The following GSK3B variants were observed in gnomAD, a reference collection of about 807,000 sequenced individuals.
GSK3B encodes glycogen synthase kinase-3 beta.
Under a neutral mutation model 56.4 loss-of-function variants are expected in GSK3B, and 15 were observed. The ratio of observed to expected loss-of-function variants is 0.27; its 90% CI spans 0.18 to 0.41. GSK3B has a LOEUF of 0.41. Ranked by LOEUF, GSK3B falls within the 10% of genes least tolerant of loss-of-function variation. GSK3B has a pLI of 1.00. For missense variants in GSK3B, 300 were observed against 513.4 expected (o/e 0.58, Z 4.02); for synonymous variants, 181 against 188.9 (o/e 0.96, Z 0.34).
chr3:119,995,128 C>G (rs924874206), intron 2 of GSK3B, among the ~76,000 whole-genome samples: 11 of 150,412 alleles, frequency 7.3e-5, no homozygotes, highest in Non-Finnish European at 1.5e-4. Context: ...GAGTTTGAGA[C>G]CAGCCTGGGC....
chr3:119,977,067 T>C (rs945190408), intron 2 of GSK3B, among the ~76,000 whole-genome samples: 8 of 152,116 alleles, frequency 5.3e-5, no homozygotes, highest in African/African-American at 1.9e-4. Flanking sequence ...AGTGGAACAA[T>C]CAAGGAGGCA....
At chr3:119,920,521 G>A (rs1400586466) in intron 4 of GSK3B, among the ~76,000 whole-genome samples, 1 of 152,180 alleles carries the variant, frequency 6.6e-6, no homozygotes, top group Non-Finnish European at 1.5e-5. Flanking sequence ...TGGATTACAG[G>A]CATGAGCCAA....
intron 3 of GSK3B, among the ~76,000 whole-genome samples, chr3:119,926,158 T>C (rs1346127690): frequency 6.6e-6 from 1 of 152,118 alleles, no homozygotes; most frequent in African/African-American, 2.4e-5. Context: ...TCTCATCCAG[T>C]CTAATGACTC....
intron 1 of GSK3B, among the ~76,000 whole-genome samples, chr3:120,040,629 G>C (rs1328986459): frequency 1.3e-5 from 2 of 151,970 alleles, no homozygotes; most frequent in Admixed American, 6.5e-5. Context: ...CGCCAAGCAA[G>C]ACAAGAAGTA....
At chr3:119,860,826 T>G (rs556542853) in intron 9 of GSK3B, among the ~76,000 whole-genome samples, 1 of 152,348 alleles carries the variant, frequency 6.6e-6, no homozygotes, top group African/African-American at 2.4e-5. Context: ...ACTCAAACAT[T>G]CACTGAGCAC....
At chr3:119,895,661 G>A (rs1162421114) in intron 7 of GSK3B, among the ~76,000 whole-genome samples, 1 of 152,210 alleles carries the variant, frequency 6.6e-6, no homozygotes, top group African/African-American at 2.4e-5. Context: ...TTGTCAAAAA[G>A]ACTATTGTTT....
intron 8 of GSK3B, among the ~76,000 whole-genome samples, chr3:119,873,199 C>G (rs79393369): frequency 0.026 from 3,931 of 152,172 alleles, 174 homozygotes; most frequent in African/African-American, 0.089. Flanking sequence ...TTTTAATTCT[C>G]AAGATTTCTG....
At chr3:119,858,667 C>G (rs2056056378) in intron 9 of GSK3B, among the ~76,000 whole-genome samples, 1 of 152,188 alleles carries the variant, frequency 6.6e-6, no homozygotes. Flanking sequence ...GCATTCACAA[C>G]TTGGCAAACT....
At chr3:120,041,725 T>C (rs987169470) in intron 1 of GSK3B, among the ~76,000 whole-genome samples, 7 of 152,204 alleles carry the variant, frequency 4.6e-5, no homozygotes, top group African/African-American at 1.7e-4. Context: ...CGGCCAAAGT[T>C]AGGAGAAACT....
At chr3:119,884,860 C>T (rs2056417369) in intron 7 of GSK3B, among the ~76,000 whole-genome samples, 1 of 151,946 alleles carries the variant, frequency 6.6e-6, no homozygotes, top group Non-Finnish European at 1.5e-5. Flanking sequence ...GGTAATTCAA[C>T]TTAATAAAAT....
chr3:119,924,117 T>C (rs1559838767), intron 3 of GSK3B, among the ~76,000 whole-genome samples: 1 of 152,228 alleles, frequency 6.6e-6, no homozygotes, highest in Non-Finnish European at 1.5e-5. Flanking sequence ...CGTGTTACCA[T>C]ACTCACAAGC....
chr3:119,941,045 C>T (rs1370278657), intron 3 of GSK3B, among the ~76,000 whole-genome samples: 7 of 140,122 alleles, frequency 5.0e-5, no homozygotes, highest in African/African-American at 8.1e-5. Context: ...GATGGAGCTT[C>T]GCTCTTGTTG....
At chr3:120,005,667 C>A (rs567813387) in intron 1 of GSK3B, among the ~76,000 whole-genome samples, 9 of 152,148 alleles carry the variant, frequency 5.9e-5, no homozygotes, top group African/African-American at 7.2e-5. Context: ...TTTCATATCC[C>A]GCCAAACTAA....
chr3:119,888,231 A>G (rs1425409340), intron 7 of GSK3B, among the ~76,000 whole-genome samples: 1 of 152,148 alleles, frequency 6.6e-6, no homozygotes. Context: ...GTTTAAAGCA[A>G]AGTAACAACT....
chr3:119,955,464 T>C (rs2057204482), intron 2 of GSK3B, among the ~76,000 whole-genome samples: 1 of 152,236 alleles, frequency 6.6e-6, no homozygotes, highest in South Asian at 2.1e-4. Flanking sequence ...AACCAACAAC[T>C]ATAACACAAT....
chr3:119,846,621 T>C (rs936990903), intron 9 of GSK3B, among the ~76,000 whole-genome samples: 2 of 152,122 alleles, frequency 1.3e-5, no homozygotes, highest in African/African-American at 4.8e-5. Context: ...ATGGTGATCA[T>C]TAAAAAGTCA....
chr3:119,845,029 T>C (rs2055836299), intron 9 of GSK3B, among the ~76,000 whole-genome samples: 1 of 152,164 alleles, frequency 6.6e-6, no homozygotes, highest in African/African-American at 2.4e-5. Context: ...ATAAACGTAA[T>C]TCATCACATA....
At chr3:120,026,256 G>A (rs1183453615) in intron 1 of GSK3B, among the ~76,000 whole-genome samples, 2 of 152,116 alleles carry the variant, frequency 1.3e-5, no homozygotes, top group Non-Finnish European at 2.9e-5. Flanking sequence ...AGCAAGGGAT[G>A]CTAGGAAAAA....
intron 9 of GSK3B, among the ~76,000 whole-genome samples, chr3:119,845,638 C>T (rs954010479): frequency 7.2e-5 from 11 of 152,064 alleles, no homozygotes; most frequent in Non-Finnish European, 1.6e-4. Flanking sequence ...GGACTACAAA[C>T]CACTGCTCAA....
Sources: gnomAD v4.1 joint callset for allele counts (sites outside exome capture counted in the v4.1 genomes callset) on GRCh38, gnomAD v4.1.1 for gene constraint, MANE v1.5 for transcripts, NCBI Gene and HGNC (gene_info 2026-07-23, HGNC 2026-07-21) for gene names.